NAV2: variants seen among roughly 807,000 people sequenced by gnomAD.
NAV2 encodes helicase, APC down-regulated 1.
In NAV2, 54 loss-of-function variants were observed where a neutral mutation model predicts 223.2. The ratio of observed to expected loss-of-function variants is 0.24; its 90% confidence interval spans 0.19 to 0.30. NAV2 has a LOEUF of 0.30. NAV2 is among the 10% of genes least tolerant of loss of function. The pLI, the probability that NAV2 is intolerant of heterozygous loss-of-function variation, is 1.00. For synonymous variants in NAV2, 1,279 were observed against 1,239.3 expected, an observed-to-expected ratio of 1.03 and a Z score of -0.67; for missense variants, 2,806 against 3,147.5, an observed-to-expected ratio of 0.89 and a Z score of 2.60.
At chr11:19,893,120 CT>C (rs1287177882) in intron 6 of NAV2, among the ~76,000 whole-genome samples, 1 of 144,080 alleles carries the variant, frequency 6.9e-6, no homozygotes, top group Admixed American at 7.3e-5. Context: ...GATGATGTAA[CT>C]TTTGCCATAA....
At chr11:19,970,000 A>G (rs2049093486) in intron 10 of NAV2, among the ~76,000 whole-genome samples, 1 of 152,166 alleles carries the variant, frequency 6.6e-6, no homozygotes. Flanking sequence ...TAACAATAAA[A>G]TATAACTATT....
At chr11:19,868,747 G>A (rs1227265753) in intron 3 of NAV2, among the ~76,000 whole-genome samples, 178 bp from the exon 4 acceptor site, 1 of 152,198 alleles carries the variant, frequency 6.6e-6, no homozygotes, top group Non-Finnish European at 1.5e-5. Context: ...GGCACTATGT[G>A]GTTGGGATAT....
At chr11:19,618,233 G>A (rs1416594203) in intron 1 of NAV2, among the ~76,000 whole-genome samples, 2 of 152,088 alleles carry the variant, frequency 1.3e-5, no homozygotes, top group Admixed American at 6.6e-5. Flanking sequence ...TAGATGGATG[G>A]ATGGATGGAT....
At chr11:19,735,032 C>T (rs1015054614) in intron 1 of NAV2, among the ~76,000 whole-genome samples, 13 of 152,182 alleles carry the variant, frequency 8.5e-5, no homozygotes, top group African/African-American at 3.1e-4. Flanking sequence ...CATTTCTCGA[C>T]TCTTAGTTTT....
intron 1 of NAV2, among the ~76,000 whole-genome samples, chr11:19,767,207 A>G (rs1272099028): frequency 6.6e-6 from 1 of 152,194 alleles, no homozygotes; most frequent in African/African-American, 2.4e-5. Context: ...ACATATCCAC[A>G]TTTGGGAATT....
chr11:19,925,220 G>T (rs528733041), intron 6 of NAV2, among the ~76,000 whole-genome samples: 1 of 152,280 alleles, frequency 6.6e-6, no homozygotes, highest in South Asian at 2.1e-4. Flanking sequence ...ATCCGGTTCT[G>T]TAGGTTGCCT....
intron 1 of NAV2, among the ~76,000 whole-genome samples, chr11:19,590,454 C>T (rs577643913): frequency 3.4e-4 from 52 of 152,254 alleles, no homozygotes; most frequent in African/African-American, 1.2e-3. Flanking sequence ...ACCCCAGGCA[C>T]CTCTGCAGAA....
intron 1 of NAV2, chr11:19,714,549 A>G (rs987180446): frequency 6.8e-6 from 3 of 443,528 alleles, no homozygotes; most frequent in Admixed American, 4.8e-5. Flanking sequence ...CTGCGGTACT[A>G]GTGCACCAGC....
At chr11:19,535,234 G>A (rs2044149827) in intron 1 of NAV2, among the ~76,000 whole-genome samples, 1 of 152,206 alleles carries the variant, frequency 6.6e-6, no homozygotes, top group Non-Finnish European at 1.5e-5. Context: ...GAGAGGCAGA[G>A]AAGGGGGTTT....
At chr11:19,546,840 C>G (rs1278040847) in intron 1 of NAV2, among the ~76,000 whole-genome samples, 1 of 152,190 alleles carries the variant, frequency 6.6e-6, no homozygotes, top group African/African-American at 2.4e-5. Flanking sequence ...CTAACCCCAG[C>G]TGCAAACATT....
At chr11:19,892,049 C>T (rs2041542515) in intron 5 of NAV2, among the ~76,000 whole-genome samples, 2 of 152,214 alleles carry the variant, frequency 1.3e-5, no homozygotes, top group Admixed American at 6.5e-5. Flanking sequence ...ACCTCTGCCT[C>T]CCAGGTTCAA....
intron 1 of NAV2, among the ~76,000 whole-genome samples, chr11:19,446,329 T>C (rs755809011): frequency 1.4e-4 from 21 of 152,158 alleles, no homozygotes; most frequent in Admixed American, 3.9e-4. Flanking sequence ...TTTTTAAGGA[T>C]TGGGGAGGAG....
chr11:19,945,014 T>G (rs1381535112), intron 8 of NAV2, among the ~76,000 whole-genome samples: 1 of 151,122 alleles, frequency 6.6e-6, no homozygotes, highest in Non-Finnish European at 1.5e-5. Flanking sequence ...TTCCTTTCCT[T>G]TCCTTTTCTT....
intron 1 of NAV2, among the ~76,000 whole-genome samples, chr11:19,831,806 T>A (rs758029546): frequency 1.3e-5 from 2 of 152,240 alleles, no homozygotes; most frequent in Non-Finnish European, 2.9e-5. Flanking sequence ...TCTAAAATGC[T>A]GCACACAACA....
At chr11:19,352,614 C>A (rs1853389187) in intron 1 of NAV2, among the ~76,000 whole-genome samples, 1 of 152,154 alleles carries the variant, frequency 6.6e-6, no homozygotes, top group South Asian at 2.1e-4. Flanking sequence ...TGAACTCTAG[C>A]CGTCATGGCG....
intron 1 of NAV2, among the ~76,000 whole-genome samples, chr11:19,663,570 C>T (rs1479111956): frequency 6.6e-6 from 1 of 152,176 alleles, no homozygotes; most frequent in African/African-American, 2.4e-5. Flanking sequence ...ATTGTCTGCT[C>T]CATTGTCATA....
intron 1 of NAV2, among the ~76,000 whole-genome samples, chr11:19,670,989 C>A (rs1318883661): frequency 2.0e-5 from 3 of 152,200 alleles, no homozygotes; most frequent in Non-Finnish European, 2.9e-5. Context: ...CCCGCTATGC[C>A]AAGAGTCTGG....
chr11:19,636,981 T>TC (rs1221105361), intron 1 of NAV2, among the ~76,000 whole-genome samples: 28 of 152,352 alleles, frequency 1.8e-4, no homozygotes, highest in African/African-American at 5.5e-4. Flanking sequence ...CAGATGTGAT[T>TC]CCAGCGTAGC....
At chr11:19,980,177 G>C (rs1565690147) in intron 10 of NAV2, among the ~76,000 whole-genome samples, 1 of 152,182 alleles carries the variant, frequency 6.6e-6, no homozygotes, top group South Asian at 2.1e-4. Flanking sequence ...CAGACACCTT[G>C]TCCCTTTAGC....
Sources: gnomAD v4.1 joint callset for allele counts (sites outside exome capture counted in the v4.1 genomes callset) on GRCh38, gnomAD v4.1.1 for gene constraint, MANE v1.5 for transcripts, NCBI Gene and HGNC (gene_info 2026-07-23, HGNC 2026-07-21) for gene names.